Variants in KIF7 observed in about 807,000 individuals in gnomAD.
The protein encoded by KIF7 is kinesin family member 7, also known as kinesin-like protein KIF7.
In KIF7, 104 loss-of-function variants were observed where a neutral mutation model predicts 135.7. The observed-to-expected ratio is 0.77, with a 90% confidence interval of 0.65 to 0.90. The LOEUF is 0.90. Ranked by LOEUF, KIF7 falls within the 40% of genes least tolerant of loss-of-function variation. KIF7 has a pLI of 0.00. For missense variants in KIF7, 2,005 were observed against 1,839.1 expected (o/e 1.09, Z -1.65); for synonymous variants, 883 against 809.4 (o/e 1.09, Z -1.54).
In KIF7 at chr15:89,649,376, A is replaced by G. The variant is rs1229636750; in HGVS notation, c.530-9T>C. 6 of 1,449,540 alleles carry G rather than the reference A, an allele frequency of 4.1e-6. No homozygotes were observed. In the Admixed American group the frequency reaches 1.1e-4, roughly 27 times the overall value. The allele number at this position is 1,449,540 out of a possible 1,614,324, so 89.8% of individuals were successfully genotyped here. A position where few individuals can be genotyped will look rare whatever the true frequency, so the allele number is the denominator to read the frequency against. On this transcript the variant is annotated splice_polypyrimidine_tract_variant and intron_variant, in intron 3 of 18. Transcript: ENST00000394412. ...CTTCACCCCGCACAGCACTGCGGGC[A>G]CAGAAGGCCGTGAGCCCCAGGGCAG...
rs1485867610 is a variant in KIF7 at position 89,648,311 on chromosome 15, C to T, written c.1387G>A (p.Gly463Ser). The T allele has an allele frequency of 9.2e-6, 14 of 1,514,270 alleles. No individual in the cohort carries two copies. Among genetic ancestry groups the T allele is most frequent in the Admixed American group, 8.0e-5 (4 of 49,884 alleles). 93.8% of individuals were successfully genotyped at this position (1,514,270 alleles called of 1,614,324 possible). The change falls in exon 5 of 19, where the codon GGC becomes AGC. Residue 463 changes from glycine (G) to serine (S), a missense_variant. Gly to Ser is a moderately conservative substitution (Grantham distance 56, BLOSUM62 0). Transcript: ENST00000394412. ...ALSSASGPDS[G>S]IESASVEDQA... is the part of the protein sequence containing the mutation. ...TCCTCGACGGAGGCGCTCTCGATGC[C>T]GCTATCGGGCCCGGAGGCGGAGCTC...
rs1204924867 is a variant in KIF7 at position 89,646,747 on chromosome 15, C to G, written c.1788+83G>C. On this transcript the variant is annotated intron_variant, in intron 7 of 18. Coordinates refer to ENST00000394412, the MANE Select transcript of KIF7 (RefSeq NM_198525.3). ...CCCATGAAAGCATGAGTGGGGGACACGTGCCCCAGTGCCCCCTTCCCCTGC... is the reference window on the plus strand; with the variant it reads ...CCCATGAAAGCATGAGTGGGGGACAGGTGCCCCAGTGCCCCCTTCCCCTGC... The G allele has an allele frequency of 4.1e-6, 5 of 1,231,626 alleles. No homozygotes were observed. The Admixed American group carries it at 8.4e-5, about 21-fold the overall frequency. 76.3% of individuals were successfully genotyped at this position (1,231,626 alleles called of 1,614,324 possible). A position where few individuals can be genotyped will look rare whatever the true frequency, so the allele number is the denominator to read the frequency against.
At chr15:89,642,443 C>A (rs776174610) in intron 10 of KIF7, 38 bp from the exon 11 acceptor site, 3 of 1,511,644 alleles carry the variant, frequency 2.0e-6, no homozygotes, top group Non-Finnish European at 2.7e-6. Context: ...GGCAGCCCTG[C>A]TCCACCGAGA....
intron 14 of KIF7, 93 bp downstream of exon 14, chr15:89,632,727 T>A: frequency 1.4e-6 from 2 of 1,384,780 alleles, no homozygotes; most frequent in Non-Finnish European, 2.0e-6. Context: ...GGCAGAAACT[T>A]ACTTGGCAGG....
Position 89,621,448 on chromosome 15 carries a change from T to G in KIF7, c.181-3253A>C. 4 of 1,614,060 alleles carry G rather than the reference T, an allele frequency of 2.5e-6. No individual in the cohort carries two copies. In the South Asian group the frequency reaches 3.3e-5, roughly 13 times the overall value. On this transcript the variant is annotated intron_variant and NMD_transcript_variant, in intron 1 of 2. Transcript: ENST00000558928. ...TTCGGTCTCCCAAGAGTCTTCTTTT[T>G]GGGGCAATGTCTGAGATGATCAGCC...
At chr15:89,643,885 G>A (rs1373792552) in intron 10 of KIF7, among the ~76,000 whole-genome samples, 347 of 91,346 alleles carry the variant, frequency 3.8e-3, no homozygotes, top group Admixed American at 5.0e-3. Context: ...CTCCGTCTCA[G>A]AAAAAAAAAA....
Position 89,620,590 on chromosome 15 carries a change from C to A in KIF7, c.181-2395G>T, listed in dbSNP as rs183135491. Among the ~76,000 whole-genome samples, 226 of 152,288 alleles carry A rather than the reference C, an allele frequency of 1.5e-3. 3 individuals are homozygous for A. The highest frequency in any genetic ancestry group is 5.2e-3 in the African/African-American group (218 of 41,550). On this transcript the variant is annotated intron_variant and NMD_transcript_variant, in intron 1 of 2. Coordinates refer to the KIF7 transcript ENST00000558928. Reference sequence around the variant, plus strand: ...ATAGGAGCTGGGGTTAATATGCCGTCTTACTAAAATTAAAAAAGGCAGCAG... The same window carrying A: ...ATAGGAGCTGGGGTTAATATGCCGTATTACTAAAATTAAAAAAGGCAGCAG...
downstream of KIF7, chr15:89,623,872 C>G: frequency 1.2e-6 from 2 of 1,614,016 alleles, no homozygotes; most frequent in Non-Finnish European, 1.7e-6. Context: ...AGGTACCTCT[C>G]TTGAAACGAA....
At position 89,649,810 on chromosome 15, in the gene KIF7, G is replaced by C. The variant is rs387907044; in HGVS notation, c.460C>G (p.Arg154Gly). 1 of 1,551,670 alleles carries C rather than the reference G, an allele frequency of 6.4e-7. No homozygotes were observed. Among genetic ancestry groups the C allele is most frequent in the African/African-American group, 1.4e-5 (1 of 73,056 alleles). ...SYLEVYKEEF[R>G]DLLEVGTASR... ...GCAGTGCCCACCTCGAGCAGGTCTC[G>C]GAACTCCTCCTTGTACACTTCCAGG... Residue 154 changes from arginine to glycine, a missense_variant, in exon 3 of 19, where the codon CGA becomes GGA. Coordinates refer to ENST00000394412, the MANE Select transcript of KIF7 (RefSeq NM_198525.3).
intron 10 of KIF7, among the ~76,000 whole-genome samples, chr15:89,643,408 T>C (rs191697422): frequency 7.2e-5 from 11 of 152,316 alleles, no homozygotes; most frequent in Admixed American, 3.9e-4. Context: ...TACCACATTA[T>C]TTACTAAACC....
In KIF7 at chr15:89,632,907, G is replaced by A. The variant is rs1006371075; in HGVS notation, c.2808C>T (p.Leu936=). Residue 936 remains leucine, a synonymous_variant, in exon 14 of 19, where the codon CTC becomes CTT. Coordinates refer to ENST00000394412, the MANE Select transcript of KIF7 (RefSeq NM_198525.3). Reference sequence around the variant, plus strand: ...TGGCCAGGATGGCCTCCCGCTTGTGGAGCTCCTCCCCCAGCTCCTCCAGCG... The same window carrying A: ...TGGCCAGGATGGCCTCCCGCTTGTGAAGCTCCTCCCCCAGCTCCTCCAGCG... ...RRALEELGEE[L]HKREAILAKK... The A allele has an allele frequency of 6.2e-7, 1 of 1,608,652 alleles. No individual in the cohort carries two copies. The highest frequency in any genetic ancestry group is 8.5e-7 in the Non-Finnish European group (1 of 1,179,138).
chr15:89,644,966 G>T, intron 10 of KIF7, 47 bp downstream of exon 10: 2 of 1,602,050 alleles, frequency 1.2e-6, no homozygotes, highest in Non-Finnish European at 1.7e-6. Context: ...AAGTAACGAT[G>T]AGAAGTCCCC....
chr15:89,635,108 C>G (rs1475848633), intron 11 of KIF7, among the ~76,000 whole-genome samples: 2 of 151,882 alleles, frequency 1.3e-5, no homozygotes, highest in Non-Finnish European at 2.9e-5. Context: ...AGACCTGCAG[C>G]TGAGGGTCCT....
At chr15:89,647,493 C>T (rs1964036101) in intron 6 of KIF7, 103 bp downstream of exon 6, 1 of 1,007,706 alleles carries the variant, frequency 9.9e-7, no homozygotes, top group African/African-American at 1.6e-5. Flanking sequence ...CCCTACCCCG[C>T]AGTACCCTAC....
chr15:89,660,602 C>G, the KIF7 span, among the ~76,000 whole-genome samples: 1 of 152,222 alleles, frequency 6.6e-6, no homozygotes, highest in Non-Finnish European at 1.5e-5. Context: ...ACCCCTGGCA[C>G]TGCTGAGTGT....
chr15:89,632,918 C>T lies in KIF7; in HGVS notation c.2797G>A (p.Gly933Arg). The change falls in exon 14 of 19, where the codon GGG (glycine) becomes AGG (arginine). Residue 933 changes from glycine to arginine, a missense_variant. By Grantham distance (125) the Gly-to-Arg change is moderately radical (BLOSUM62 -2). Transcript: ENST00000394412. Reference protein sequence around the residue: ...LQQRRALEELGEELHKREAIL... With the variant: ...LQQRRALEELREELHKREAIL... The stretch of plus-strand genomic sequence containing the variant: ...GCCTCCCGCTTGTGGAGCTCCTCCC[C>T]CAGCTCCTCCAGCGCCCGCCGCTGC... The T allele has an allele frequency of 1.2e-6, 2 of 1,610,620 alleles. No homozygotes were observed. The highest frequency in any genetic ancestry group is 1.7e-6 in the Non-Finnish European group (2 of 1,179,810).
intron 11 of KIF7, among the ~76,000 whole-genome samples, chr15:89,641,034 G>A (rs1362475010): frequency 2.0e-5 from 3 of 151,968 alleles, no homozygotes; most frequent in Non-Finnish European, 4.4e-5. Context: ...ACAGGATGGA[G>A]ACCGTGATGG....
chr15:89,649,994 C>A (rs1056373539), intron 2 of KIF7, 53 bp from the exon 3 acceptor site: 26 of 1,518,034 alleles, frequency 1.7e-5, no homozygotes, highest in Admixed American at 1.6e-4. Context: ...CGGCCCATGG[C>A]CCCCAGGCCC....
Position 89,640,935 on chromosome 15 carries a change from G to A in KIF7, c.2394+1268C>T, listed in dbSNP as rs371273496. On this transcript the variant is annotated intron_variant, in intron 11 of 18. Transcript: ENST00000394412. ...TAAGGATCACTTGAACCCAGGAGGC[G>A]GAGGTTGCAGTAAGCTGAGATTGCA... is the stretch of plus-strand genomic sequence containing the variant. Among the ~76,000 whole-genome samples the A allele has an allele frequency of 3.3e-5, 5 of 152,108 alleles. 1 individual carries two copies. The highest frequency in any genetic ancestry group is 4.8e-5 in the African/African-American group (2 of 41,502).
Sources: gnomAD v4.1 joint callset for allele counts (sites outside exome capture counted in the v4.1 genomes callset) on GRCh38, gnomAD v4.1.1 for gene constraint, MANE v1.5 for transcripts, NCBI Gene and HGNC (gene_info 2026-07-23, HGNC 2026-07-21) for gene names.